RPL11: variants seen among roughly 807,000 people sequenced by gnomAD.
RPL11 encodes the protein large ribosomal subunit protein uL5.
RPL11 carries 3 observed loss-of-function variants against 24.1 expected under a neutral mutation model. The ratio of observed to expected loss-of-function variants is 0.12; its 90% CI spans 0.06 to 0.32. RPL11 has a LOEUF of 0.32. Among genes scored for constraint, RPL11 ranks in the 10% least tolerant of loss-of-function variants. The pLI is 1.00. For synonymous variants in RPL11, 96 were observed against 75.7 expected (o/e 1.27, Z -1.39); for missense variants, 146 against 225.7 (o/e 0.65, Z 2.26).
At chr1:23,692,480 C>G (rs901956436) in intron 1 of RPL11, 129 bp from the exon 2 acceptor site, 4 of 1,220,534 alleles carry the variant, frequency 3.3e-6, no homozygotes, top group Non-Finnish European at 4.8e-6. Flanking sequence ...AACATTATAC[C>G]TTTTAAACAT....
rs1557433552 is a variant in RPL11, at chr1:23,691,813, T to G, written c.-11T>G. 1.1e-5 allele frequency: 17 copies of G among 1,614,264 alleles called. No individual in the cohort carries two copies. Among genetic ancestry groups the G allele is most frequent in the Non-Finnish European group, 1.4e-5 (17 of 1,180,042 alleles). ...GGCCGGAAGCTCCGCTTTCTCTTCC[T>G]GCTCTCCATCATGGCGGTGAGTAGC... On this transcript the variant is annotated 5_prime_UTR_variant, in exon 1 of 6. Transcript: ENST00000643754.
rs891810850 is a variant in RPL11 at position 23,692,886 on chromosome 1, C to T, written c.157+127C>T. The stretch of plus-strand genomic sequence containing the variant: ...CACTTAAAGCATTAAATTCATGAGC[C>T]GGCCAAGAGGTGTCTTTTTTTTTTT... On this transcript the variant is annotated intron_variant, in intron 2 of 5. Coordinates refer to ENST00000643754, the MANE Select transcript of RPL11 (RefSeq NM_000975.5). The T allele has an allele frequency of 1.4e-4, 166 of 1,192,060 alleles. 1 individual carries two copies. Among genetic ancestry groups the T allele is most frequent in the Non-Finnish European group, 1.5e-4 (130 of 845,594 alleles). The allele number at this position is 1,192,060 out of a possible 1,614,324, so 73.8% of individuals were successfully genotyped here.
rs1644532785 is a variant in RPL11 at position 23,696,377 on chromosome 1, C to G, written c.*4C>G. ...GATCATCCTTCCTGGCAAATAAATT[C>G]CCGTTTCTATCCAAAAGAGCAATAA... is the stretch of plus-strand genomic sequence containing the variant. On this transcript the variant is annotated 3_prime_UTR_variant, in exon 6 of 6. Coordinates refer to ENST00000643754, the MANE Select transcript of RPL11 (RefSeq NM_000975.5). 3.7e-6 allele frequency: 6 copies of G among 1,613,660 alleles called. No individual in the cohort carries two copies. The highest frequency in any genetic ancestry group is 4.2e-6 in the Non-Finnish European group (5 of 1,179,604).
chr1:23,696,061 A>G lies in RPL11; in HGVS notation c.507+153A>G, dbSNP rs1557436186. 4.8e-6 allele frequency: 4 copies of G among 833,296 alleles called. No individual in the cohort carries two copies. The East Asian group carries it at 7.9e-5, about 17-fold the overall frequency. The allele number at this position is 833,296 out of a possible 1,614,324, so 51.6% of individuals were successfully genotyped here. ...GACAAATCAGGGGCTTCCAGGGATG[A>G]TGGTTTAAAAGAACATCCAGAACTA... On this transcript the variant is annotated intron_variant, in intron 5 of 5. Coordinates refer to ENST00000643754, the MANE Select transcript of RPL11 (RefSeq NM_000975.5).
In RPL11 at chr1:23,693,113, G is replaced by T. The variant is rs111567692; in HGVS notation, c.157+354G>T. On this transcript the variant is annotated intron_variant, in intron 2 of 5. Coordinates refer to ENST00000643754, the MANE Select transcript of RPL11 (RefSeq NM_000975.5). ...GCATTAAGAACAGGGCTGTACGGGAGCATGAGGCTTCAGTGGCCTATATTA... is the reference window on the plus strand; with the variant it reads ...GCATTAAGAACAGGGCTGTACGGGATCATGAGGCTTCAGTGGCCTATATTA... 4.3e-3 allele frequency among the ~76,000 whole-genome samples: 656 copies of T among 152,294 alleles called. 5 individuals carry two copies. Among genetic ancestry groups the T allele is most frequent in the African/African-American group, 0.013 (553 of 41,570 alleles).
At chr1:23,691,804 T>C (rs777343730), upstream of RPL11, 5 of 1,614,230 alleles carry the variant, frequency 3.1e-6, no homozygotes, top group Non-Finnish European at 4.2e-6. Context: ...AAGCTCCGCT[T>C]TCTCTTCCTG....
At chr1:23,692,223 A>C in intron 1 of RPL11, 1 of 429,794 alleles carries the variant, frequency 2.3e-6, no homozygotes. Flanking sequence ...CAGCTTCCGA[A>C]TAGGATGCTG....
chr1:23,695,177 C>T, intron 4 of RPL11: 3 of 352,018 alleles, frequency 8.5e-6, no homozygotes, highest in South Asian at 7.1e-5. Flanking sequence ...CCTATAGAAA[C>T]AGCTTTGGGT....
intron 4 of RPL11, chr1:23,695,574 T>G: frequency 3.4e-6 from 2 of 579,922 alleles, no homozygotes; most frequent in East Asian, 3.1e-5. Context: ...TAGGCTGGGT[T>G]AGGGGGGTGC....
chr1:23,695,984 T>C, intron 5 of RPL11, 76 bp downstream of exon 5: 1 of 1,338,532 alleles, frequency 7.5e-7, no homozygotes, highest in Non-Finnish European at 1.1e-6. Context: ...GGATGCAAAA[T>C]ATAGTACTAT....
rs1644532622 is a variant in RPL11, at chr1:23,696,333, T to C, written c.508-11T>C. On this transcript the variant is annotated splice_polypyrimidine_tract_variant and intron_variant, in intron 5 of 5. Transcript: ENST00000643754. ...TCCTGTTCTGAAAAAATTAAATCTC[T>C]TCTCTTTCAGTATGATGGGATCATC... 1 of 1,613,742 alleles carries C rather than the reference T, an allele frequency of 6.2e-7. No individual in the cohort carries two copies. The highest frequency in any genetic ancestry group is 8.5e-7 in the Non-Finnish European group (1 of 1,179,768).
chr1:23,694,844 T>C lies in RPL11; in HGVS notation c.396+53T>C, dbSNP rs749644406. On this transcript the variant is annotated intron_variant, in intron 4 of 5. Transcript: ENST00000643754. ...CTGGTCTGTGAGGAGAGGGGAATCT[T>C]TATTTCATATGTGGTATGTTGGTGT... 1.9e-6 allele frequency: 3 copies of C among 1,612,492 alleles called. No homozygotes were observed. The Admixed American group carries it at 5.0e-5, about 27-fold the overall frequency.
rs563555270 is a variant in RPL11, at chr1:23,691,848, G to T, written c.6+19G>T. On this transcript the variant is annotated intron_variant, in intron 1 of 5. Coordinates refer to ENST00000643754, the MANE Select transcript of RPL11 (RefSeq NM_000975.5). ...CATGGCGGTGAGTAGCTGGGACCTG[G>T]ATTTGCTTTCCTTTATCCGTCGCCA... is the stretch of plus-strand genomic sequence containing the variant. The T allele has an allele frequency of 8.0e-5, 129 of 1,614,234 alleles. 1 individual carries two copies. The East Asian group carries it at 2.2e-3, about 27-fold the overall frequency.
intron 1 of RPL11, chr1:23,692,404 C>T (rs926338039): frequency 2.0e-5 from 12 of 599,678 alleles, no homozygotes; most frequent in Middle Eastern, 9.0e-4. Flanking sequence ...TGAGTTTTCT[C>T]TTCACCCGTT....
intron 2 of RPL11, 40 bp from the exon 3 acceptor site, chr1:23,693,767 G>C: frequency 7.3e-7 from 1 of 1,361,690 alleles, no homozygotes; most frequent in Non-Finnish European, 1.1e-6. Context: ...TGTAGTGGGG[G>C]TATGATGGCA....
chr1:23,692,696 A>G lies in RPL11; in HGVS notation c.94A>G (p.Arg32Gly). Residue 32 changes from arginine to glycine, a missense_variant, in exon 2 of 6, where the codon AGA becomes GGA. Coordinates refer to ENST00000643754, the MANE Select transcript of RPL11 (RefSeq NM_000975.5). ...CATCTGTGTTGGGGAGAGTGGAGAC[A>G]GACTGACGCGAGCAGCCAAGGTGTT... The part of the protein sequence containing the change: ...LNICVGESGD[R>G]LTRAAKVLEQ... 6.2e-7 allele frequency: 1 copy of G among 1,614,132 alleles called. No homozygotes were observed. Among genetic ancestry groups the G allele is most frequent in the Non-Finnish European group, 8.5e-7 (1 of 1,180,024 alleles).
chr1:23,692,276 G>C (rs1323690631), intron 1 of RPL11: 3 of 423,690 alleles, frequency 7.1e-6, no homozygotes, highest in African/African-American at 6.0e-5. Flanking sequence ...GAGCAATTAA[G>C]TTCTGTTTCT....
At chr1:23,694,497 T>C (rs1337556916) in intron 3 of RPL11, among the ~76,000 whole-genome samples, 163 bp from the exon 4 acceptor site, 2 of 152,142 alleles carry the variant, frequency 1.3e-5, no homozygotes, top group Non-Finnish European at 2.9e-5. Flanking sequence ...TGTGAATCTA[T>C]AGTCGAGGTA....
chr1:23,692,410 C>T (rs1644506310), intron 1 of RPL11, 199 bp from the exon 2 acceptor site: 3 of 612,108 alleles, frequency 4.9e-6, no homozygotes, highest in Admixed American at 2.7e-5. Flanking sequence ...TTCTCTTCAC[C>T]CGTTCCGTTC....
Sources: gnomAD v4.1 joint callset for allele counts (sites outside exome capture counted in the v4.1 genomes callset) on GRCh38, gnomAD v4.1.1 for gene constraint, MANE v1.5 for transcripts, NCBI Gene and HGNC (gene_info 2026-07-23, HGNC 2026-07-21) for gene names.